The following ASB15 variants were observed in gnomAD, a reference collection of about 807,000 sequenced individuals.
ASB15 encodes the protein ankyrin repeat and SOCS box containing 15.
In ASB15, 54 loss-of-function variants were observed where a neutral mutation model predicts 58.0. The observed-to-expected ratio is 0.93, with a 90% confidence interval of 0.75 to 1.17. ASB15 has a LOEUF of 1.17. ASB15 is among the 50% of genes most tolerant of loss of function. The pLI, the probability that ASB15 is intolerant of heterozygous loss-of-function variation, is 0.00. For synonymous variants in ASB15, 249 were observed against 262.4 expected, an observed-to-expected ratio of 0.95 and a Z score of 0.50; for missense variants, 680 against 707.4, an observed-to-expected ratio of 0.96 and a Z score of 0.44.
chr7:123,632,965 C>T (rs1046267720), intron 11 of ASB15, among the ~76,000 whole-genome samples: 1 of 152,170 alleles, frequency 6.6e-6, no homozygotes, highest in African/African-American at 2.4e-5. Flanking sequence ...ATATTTAAGA[C>T]TCTCCTTGGA....
At chr7:123,568,775 A>G (rs1525636) in intron 1 of ASB15, among the ~76,000 whole-genome samples, 69,194 of 151,892 alleles carry the variant, frequency 0.46, 16,033 homozygotes, top group African/African-American at 0.53. Flanking sequence ...TATACAAATC[A>G]ACAAAATGGT....
At chr7:123,603,534 T>A (rs1387440461) in intron 1 of ASB15, among the ~76,000 whole-genome samples, 1 of 150,702 alleles carries the variant, frequency 6.6e-6, no homozygotes, top group Admixed American at 6.6e-5. Flanking sequence ...ACACCTTTTC[T>A]GGGAGGGTGC....
intron 1 of ASB15, among the ~76,000 whole-genome samples, chr7:123,572,451 A>C (rs1434658508): frequency 6.6e-6 from 1 of 151,704 alleles, no homozygotes; most frequent in African/African-American, 2.4e-5. Flanking sequence ...GAATTTCTTT[A>C]TGTAGCCTGG....
chr7:123,607,554 A>G (rs1456334227), intron 2 of ASB15, among the ~76,000 whole-genome samples: 1 of 152,168 alleles, frequency 6.6e-6, no homozygotes, highest in East Asian at 1.9e-4. Context: ...TGGCATGAAC[A>G]TGGCTCACTG....
chr7:123,590,730 C>T (rs1219687960), intron 1 of ASB15, among the ~76,000 whole-genome samples: 1 of 152,106 alleles, frequency 6.6e-6, no homozygotes, highest in African/African-American at 2.4e-5. Context: ...TGTCAGGTAG[C>T]GTGATGCCTC....
chr7:123,620,497 CATATACATACATATATAT>C (rs1801166897), intron 7 of ASB15, among the ~76,000 whole-genome samples: 3 of 66,254 alleles, frequency 4.5e-5, no homozygotes, highest in East Asian at 5.3e-4. Context: ...TAATGTGACA[CATATACATACATATATAT>C]ATATATATAT....
At chr7:123,614,880 T>C (rs1439101364) in intron 4 of ASB15, among the ~76,000 whole-genome samples, 1 of 152,188 alleles carries the variant, frequency 6.6e-6, no homozygotes, top group African/African-American at 2.4e-5. Flanking sequence ...TTTTCTAAAT[T>C]AATATAGATT....
intron 1 of ASB15, among the ~76,000 whole-genome samples, chr7:123,571,863 C>G (rs763857998): frequency 6.6e-6 from 1 of 152,066 alleles, no homozygotes; most frequent in Non-Finnish European, 1.5e-5. Flanking sequence ...CTCCTGGGCC[C>G]GAGTGATCCT....
chr7:123,578,482 A>G (rs989985438), intron 1 of ASB15, among the ~76,000 whole-genome samples: 6 of 151,874 alleles, frequency 4.0e-5, no homozygotes, highest in Non-Finnish European at 8.8e-5. Flanking sequence ...TGTTTCCTCT[A>G]TACTTTTAGT....
intron 1 of ASB15, among the ~76,000 whole-genome samples, chr7:123,595,789 C>T (rs1278331026): frequency 1.3e-5 from 2 of 152,104 alleles, no homozygotes; most frequent in Non-Finnish European, 2.9e-5. Flanking sequence ...CTATCATTTC[C>T]CACCCAAAGC....
Position 123,636,913 on chromosome 7 carries a change from CCAG to C in ASB15, c.1701_1703del (p.Ala568del), listed in dbSNP as rs145871395. ...CTCAGTGGAGAAGCTTCCTCTACCACCAGCTATTCAAAGATACATATTATTTAA... is the reference window on the plus strand; with the variant it reads ...CTCAGTGGAGAAGCTTCCTCTACCACCTATTCAAAGATACATATTATTTAA... On this transcript the variant is annotated inframe_deletion, in exon 12 of 12. Transcript: ENST00000451215. 124 of 1,591,526 alleles carry C rather than the reference CCAG, an allele frequency of 7.8e-5. No homozygotes were observed. The highest frequency in any genetic ancestry group is 1.3e-4 in the Admixed American group (8 of 59,960).
upstream of ASB15, among the ~76,000 whole-genome samples, chr7:123,597,830 GA>G (rs573072523): frequency 4.0e-5 from 6 of 149,496 alleles, no homozygotes; most frequent in Non-Finnish European, 5.9e-5. Flanking sequence ...GACTTCATCT[GA>G]AAAAAAAATA....
At chr7:123,581,231 G>C (rs1408043998) in intron 1 of ASB15, among the ~76,000 whole-genome samples, 1 of 151,644 alleles carries the variant, frequency 6.6e-6, no homozygotes, top group Admixed American at 6.6e-5. Flanking sequence ...ATAGTAGAAG[G>C]GTATGGGAGA....
intron 3 of ASB15, among the ~76,000 whole-genome samples, chr7:123,612,665 AG>A (rs1375783112): frequency 2.6e-5 from 4 of 152,214 alleles, no homozygotes; most frequent in African/African-American, 9.6e-5. Flanking sequence ...CTAAGCACAG[AG>A]TGAACAATCA....
At chr7:123,589,183 C>G (rs1032194937) in intron 1 of ASB15, among the ~76,000 whole-genome samples, 3 of 151,740 alleles carry the variant, frequency 2.0e-5, no homozygotes, top group African/African-American at 7.3e-5. Context: ...CCCTTCAGAA[C>G]TCTTAATATT....
chr7:123,604,820 TA>T (rs1332494019), intron 2 of ASB15, among the ~76,000 whole-genome samples: 3 of 152,088 alleles, frequency 2.0e-5, no homozygotes, highest in Non-Finnish European at 2.9e-5. Flanking sequence ...GGAATAGAAC[TA>T]AAACTTTCAA....
intron 1 of ASB15, among the ~76,000 whole-genome samples, chr7:123,579,252 A>G (rs1373151360): frequency 6.6e-6 from 1 of 152,082 alleles, no homozygotes; most frequent in African/African-American, 2.4e-5. Flanking sequence ...ATGGCTGTGT[A>G]GTATTTCATG....
chr7:123,601,608 C>G (rs796914858), upstream of ASB15, among the ~76,000 whole-genome samples: 59 of 152,280 alleles, frequency 3.9e-4, no homozygotes, highest in African/African-American at 1.2e-3. Flanking sequence ...GCAACACTCC[C>G]TGCAGCTGAA....
chr7:123,578,044 C>A (rs1352929655), intron 1 of ASB15, among the ~76,000 whole-genome samples: 1 of 150,986 alleles, frequency 6.6e-6, no homozygotes, highest in African/African-American at 2.4e-5. Flanking sequence ...CCTCCCCTAG[C>A]CCCCCACCCC....
Sources: allele counts gnomAD v4.1 joint callset (sites outside exome capture counted in the v4.1 genomes callset), GRCh38; gene constraint gnomAD v4.1.1; transcripts MANE v1.5; gene names NCBI Gene and HGNC (gene_info 2026-07-23, HGNC 2026-07-21).